SAMD12: variants seen among roughly 807,000 people sequenced by gnomAD.
SAMD12 encodes the protein sterile alpha motif domain-containing protein 12.
SAMD12 carries 9 observed loss-of-function variants against 15.0 expected under a neutral mutation model. The observed-to-expected ratio is 0.60, with a 90% confidence interval of 0.36 to 1.05. SAMD12 has a LOEUF of 1.05. SAMD12 is among the 50% of genes least tolerant of loss of function. The pLI, the probability that SAMD12 is intolerant of heterozygous loss-of-function variation, is 0.01. For synonymous variants in SAMD12, 86 were observed against 90.1 expected (o/e 0.96, Z 0.25); for missense variants, 230 against 234.2 (o/e 0.98, Z 0.12).
At chr8:118,180,351 T>C in the SAMD12 span, among the ~76,000 whole-genome samples, 1 of 152,210 alleles carries the variant, frequency 6.6e-6, no homozygotes, top group Admixed American at 6.5e-5. Flanking sequence ...TTTGGGATTA[T>C]AGAAATTTAT....
intron 4 of SAMD12, among the ~76,000 whole-genome samples, chr8:118,265,932 C>T (rs770018342): frequency 5.9e-5 from 9 of 151,962 alleles, no homozygotes; most frequent in Non-Finnish European, 1.3e-4. Context: ...ATGAATATCA[C>T]CTTTTATTAG....
At chr8:118,488,349 T>C (rs540788511) in intron 2 of SAMD12, among the ~76,000 whole-genome samples, 5 of 152,340 alleles carry the variant, frequency 3.3e-5, no homozygotes, top group African/African-American at 9.6e-5. Context: ...ATATACAATT[T>C]ATTTTAATTT....
chr8:118,447,759 T>C (rs1421902338), intron 2 of SAMD12, among the ~76,000 whole-genome samples: 1 of 149,170 alleles, frequency 6.7e-6, no homozygotes, highest in Non-Finnish European at 1.5e-5. Flanking sequence ...GGAGTCTCAC[T>C]ATGTTGCCCA....
intron 4 of SAMD12, among the ~76,000 whole-genome samples, chr8:118,344,640 G>A (rs1205543117): frequency 6.6e-6 from 1 of 152,170 alleles, no homozygotes; most frequent in East Asian, 1.9e-4. Context: ...AATAGCACTA[G>A]CATGTGATAA....
At chr8:118,483,601 A>T (rs1315926251) in intron 2 of SAMD12, among the ~76,000 whole-genome samples, 1 of 152,200 alleles carries the variant, frequency 6.6e-6, no homozygotes, top group East Asian at 1.9e-4. Context: ...ATTACAATGC[A>T]TATATAGATC....
chr8:118,182,349 C>T, the SAMD12 span, among the ~76,000 whole-genome samples: 1 of 152,308 alleles, frequency 6.6e-6, no homozygotes, highest in East Asian at 1.9e-4. Flanking sequence ...CTCCATTATA[C>T]ATTCATGTTT....
intron 4 of SAMD12, among the ~76,000 whole-genome samples, chr8:118,229,068 T>G (rs1015344525): frequency 2.0e-5 from 3 of 152,034 alleles, no homozygotes; most frequent in African/African-American, 7.2e-5. Flanking sequence ...CTCACTGATA[T>G]GTGGGAGCTA....
the SAMD12 span, among the ~76,000 whole-genome samples, chr8:118,183,788 A>G: frequency 2.7e-3 from 413 of 152,256 alleles, 5 homozygotes; most frequent in African/African-American, 9.1e-3. Flanking sequence ...AGTAGTGTAC[A>G]TTGTACCCAG....
chr8:118,355,318 T>A (rs1009841927), intron 4 of SAMD12, among the ~76,000 whole-genome samples: 1 of 152,208 alleles, frequency 6.6e-6, no homozygotes, highest in Non-Finnish European at 1.5e-5. Context: ...TTCTCACTCA[T>A]AAGTGGGAGC....
chr8:118,286,074 G>A (rs1164791810), intron 4 of SAMD12, among the ~76,000 whole-genome samples: 1 of 149,278 alleles, frequency 6.7e-6, no homozygotes, highest in Non-Finnish European at 1.5e-5. Context: ...AGGACAAAAA[G>A]CCAAACACTG....
chr8:118,405,135 C>T (rs11784853), intron 3 of SAMD12, among the ~76,000 whole-genome samples: 30,928 of 152,084 alleles, frequency 0.2, 3,546 homozygotes, highest in African/African-American at 0.28. Context: ...TGGAACTATC[C>T]TACAATACTG....
intron 4 of SAMD12, among the ~76,000 whole-genome samples, chr8:118,219,706 A>T (rs1812043687): frequency 6.6e-6 from 1 of 152,180 alleles, no homozygotes; most frequent in Non-Finnish European, 1.5e-5. Context: ...CTGACAATAT[A>T]TGGAGATAGG....
intron 2 of SAMD12, among the ~76,000 whole-genome samples, chr8:118,580,169 A>G (rs531130147): frequency 4.6e-4 from 70 of 152,318 alleles, no homozygotes; most frequent in African/African-American, 1.6e-3. Flanking sequence ...AAGTCAATAG[A>G]TCAAGAGTCC....
In SAMD12 at chr8:118,543,631, CTTT is replaced by C. The variant is rs397978436; in HGVS notation, c.192+37081_192+37083del. On this transcript the variant is annotated intron_variant, in intron 2 of 3. Transcript: ENST00000314727. ...TTTTTTTTCTTTTCTTTCTTTCTTTCTTTTTTTTTTTTTTTTTAGCTCACCAGC... is the reference window on the plus strand; with the variant it reads ...TTTTTTTTCTTTTCTTTCTTTCTTTCTTTTTTTTTTTTTTAGCTCACCAGC... Among the ~76,000 whole-genome samples, 1,145 of 116,580 alleles carry C rather than the reference CTTT, an allele frequency of 9.8e-3. 20 individuals are homozygous for C. The highest frequency in any genetic ancestry group is 0.039 in the African/African-American group (1,068 of 27,526). The allele number at this position is 116,580 out of a possible 152,430, so 76.5% of individuals were successfully genotyped here. A position where few individuals can be genotyped will look rare whatever the true frequency, so the allele number is the denominator to read the frequency against.
chr8:118,427,193 A>AATCC (rs1822258060), intron 3 of SAMD12, among the ~76,000 whole-genome samples: 1 of 152,210 alleles, frequency 6.6e-6, no homozygotes, highest in Non-Finnish European at 1.5e-5. Context: ...TATAAAACCA[A>AATCC]ATCCATCCAT....
At position 118,532,779 on chromosome 8, in the gene SAMD12, G is replaced by T. The variant is rs1297685882; in HGVS notation, c.192+47936C>A. Among the ~76,000 whole-genome samples, 3 of 152,220 alleles carry T rather than the reference G, an allele frequency of 2.0e-5. No individual in the cohort carries two copies. In the East Asian group the frequency reaches 5.8e-4, roughly 29 times the overall value. ...AGTTTGTATTTCTGTGGGATCGGTG[G>T]TGATATCCCCTTTATCATTTTTTAT... On this transcript the variant is annotated intron_variant, in intron 2 of 3. Coordinates refer to ENST00000314727, the MANE Select transcript of SAMD12 (RefSeq NM_207506.3).
At chr8:118,231,853 G>A (rs1812315965) in intron 4 of SAMD12, among the ~76,000 whole-genome samples, 3 of 151,744 alleles carry the variant, frequency 2.0e-5, no homozygotes, top group South Asian at 2.1e-4. Flanking sequence ...CCATGAGAAC[G>A]TGGTGTGAAC....
the SAMD12 span, among the ~76,000 whole-genome samples, chr8:118,145,893 TGAGG>T: frequency 6.6e-6 from 1 of 152,226 alleles, no homozygotes; most frequent in African/African-American, 2.4e-5. Flanking sequence ...GCTTGAAAGC[TGAGG>T]CAGAGCTTGA....
intron 4 of SAMD12, among the ~76,000 whole-genome samples, chr8:118,343,281 C>G (rs1382197616): frequency 2.6e-5 from 4 of 151,986 alleles, no homozygotes; most frequent in Non-Finnish European, 5.9e-5. Context: ...TCTCAGGGAT[C>G]TCTTTCTCTT....
Sources: allele counts gnomAD v4.1 joint callset (sites outside exome capture counted in the v4.1 genomes callset), GRCh38; gene constraint gnomAD v4.1.1; transcripts MANE v1.5; gene names NCBI Gene and HGNC (gene_info 2026-07-23, HGNC 2026-07-21).